RAB3GAP1: variants seen among roughly 807,000 people sequenced by gnomAD.
RAB3GAP1 encodes rab3 GTPase-activating protein catalytic subunit.
RAB3GAP1 carries 86 observed loss-of-function variants against 130.7 expected under a neutral mutation model. The observed-to-expected ratio is 0.66, with a 90% CI of 0.55 to 0.79. The LOEUF is 0.79. RAB3GAP1 is among the 30% of genes least tolerant of loss of function. The pLI is 0.00. For missense variants in RAB3GAP1, 1,029 were observed against 1,169.4 expected, an observed-to-expected ratio of 0.88 and a Z score of 1.75; for synonymous variants, 367 against 401.7, an observed-to-expected ratio of 0.91 and a Z score of 1.03.
At chr2:135,174,573 G>A (rs1573631291), downstream of RAB3GAP1, among the ~76,000 whole-genome samples, 1 of 152,048 alleles carries the variant, frequency 6.6e-6, no homozygotes, top group Non-Finnish European at 1.5e-5. Flanking sequence ...CTCTTCCAAA[G>A]CCCCCCCAGC....
chr2:135,054,806 T>C (rs1482364341), intron 2 of RAB3GAP1, among the ~76,000 whole-genome samples: 1 of 152,218 alleles, frequency 6.6e-6, no homozygotes, highest in Non-Finnish European at 1.5e-5. Context: ...TATTGCAAAG[T>C]AGAAAATTTG....
At chr2:135,083,791 T>TTA (rs1553440848) in intron 3 of RAB3GAP1, among the ~76,000 whole-genome samples, 2 of 142,660 alleles carry the variant, frequency 1.4e-5, no homozygotes, top group South Asian at 4.4e-4. Context: ...TTTTTTTTTT[T>TTA]AATTATAGCC....
chr2:135,134,484 T>A (rs1186917815), intron 15 of RAB3GAP1, among the ~76,000 whole-genome samples: 6 of 152,232 alleles, frequency 3.9e-5, no homozygotes, highest in Admixed American at 2.6e-4. Context: ...CTTTATACTT[T>A]TATGCATTTT....
intron 3 of RAB3GAP1, among the ~76,000 whole-genome samples, chr2:135,086,995 A>G (rs1690005089): frequency 6.6e-6 from 1 of 152,098 alleles, no homozygotes; most frequent in African/African-American, 2.4e-5. Flanking sequence ...GTCTTTTGAT[A>G]AGCACAAATT....
Position 135,052,473 on chromosome 2 carries a change from C to A in RAB3GAP1, c.62C>A (p.Ser21Ter). The change falls in exon 2 of 24, where the codon TCG (serine) becomes TAG (stop). Residue 21 changes from serine (S) to a stop codon, truncating the protein, a stop_gained. Coordinates refer to ENST00000264158, the MANE Select transcript of RAB3GAP1 (RefSeq NM_012233.3). LOFTEE classifies it high-confidence loss of function. ...GAGATCACGGACTTCACCACTGCCTCGGAATGGGAAAGGTGAGTGAATCGC... is the reference window on the plus strand; with the variant it reads ...GAGATCACGGACTTCACCACTGCCTAGGAATGGGAAAGGTGAGTGAATCGC... ...VFEITDFTTASEWERFISKVE... is the reference protein window; with the variant it reads ...VFEITDFTTA 4 of 1,613,834 alleles carry A rather than the reference C, an allele frequency of 2.5e-6. No individual in the cohort carries two copies. Among genetic ancestry groups the A allele is most frequent in the Non-Finnish European group, 3.4e-6 (4 of 1,180,034 alleles).
intron 5 of RAB3GAP1, among the ~76,000 whole-genome samples, chr2:135,106,153 T>A (rs1027737930): frequency 7.1e-6 from 1 of 141,412 alleles, no homozygotes; most frequent in Non-Finnish European, 1.5e-5. Flanking sequence ...GGTGCCTCCG[T>A]CCGGCCGCCG....
At chr2:135,082,320 A>G (rs1689848252) in intron 3 of RAB3GAP1, among the ~76,000 whole-genome samples, 1 of 152,148 alleles carries the variant, frequency 6.6e-6, no homozygotes, top group Admixed American at 6.6e-5. Context: ...AAGAAACTCG[A>G]TACTTGTTAG....
chr2:135,065,148 C>T (rs938155903), intron 3 of RAB3GAP1, among the ~76,000 whole-genome samples: 29 of 152,138 alleles, frequency 1.9e-4, no homozygotes, highest in African/African-American at 7.0e-4. Flanking sequence ...AGAATTTACA[C>T]CTCAATGTTA....
intron 3 of RAB3GAP1, among the ~76,000 whole-genome samples, chr2:135,063,227 G>A (rs978382353): frequency 6.6e-6 from 1 of 151,828 alleles, no homozygotes; most frequent in African/African-American, 2.4e-5. Context: ...AGTCAAGTTA[G>A]TAAAATCTTA....
chr2:135,067,004 G>A (rs1443131123), intron 3 of RAB3GAP1, among the ~76,000 whole-genome samples: 2 of 151,998 alleles, frequency 1.3e-5, no homozygotes, highest in African/African-American at 2.4e-5. Context: ...TCAGTAGATG[G>A]GAATGACACT....
chr2:135,176,234 A>G (rs917293649), intron 24 of RAB3GAP1: 1 of 152,124 alleles, frequency 6.6e-6, no homozygotes, highest in Non-Finnish European at 1.5e-5. Context: ...CTATGATCCA[A>G]CCGTCCCCCT....
intron 17 of RAB3GAP1, chr2:135,136,852 A>T: frequency 5.3e-6 from 2 of 379,858 alleles, no homozygotes; most frequent in Non-Finnish European, 8.7e-6. Flanking sequence ...CCCCACACCA[A>T]GGTGGGAGTA....
At chr2:135,077,368 T>C (rs987269885) in intron 3 of RAB3GAP1, among the ~76,000 whole-genome samples, 6 of 151,452 alleles carry the variant, frequency 4.0e-5, no homozygotes, top group African/African-American at 1.5e-4. Context: ...GAACATGTGT[T>C]TTACAAGTTT....
intron 15 of RAB3GAP1, among the ~76,000 whole-genome samples, chr2:135,134,477 T>C (rs1691627375): frequency 6.6e-6 from 1 of 152,240 alleles, no homozygotes; most frequent in Non-Finnish European, 1.5e-5. Flanking sequence ...TTTTGTTCTT[T>C]ATACTTTTAT....
intron 5 of RAB3GAP1, among the ~76,000 whole-genome samples, chr2:135,106,208 T>A (rs1175867433): frequency 3.3e-5 from 5 of 152,052 alleles, no homozygotes; most frequent in African/African-American, 1.2e-4. Flanking sequence ...CGGCCCCTTC[T>A]GGGAAGTGAG....
At chr2:135,157,151 C>CT (rs1413487225) in intron 19 of RAB3GAP1, among the ~76,000 whole-genome samples, 3 of 152,124 alleles carry the variant, frequency 2.0e-5, no homozygotes. Context: ...GTAGCTAGGA[C>CT]TACAGGTGAA....
intron 17 of RAB3GAP1, among the ~76,000 whole-genome samples, chr2:135,148,483 T>A (rs544652306): frequency 2.7e-5 from 4 of 145,828 alleles, no homozygotes; most frequent in Admixed American, 7.2e-5. Flanking sequence ...GGAACCAAGC[T>A]AGTAATTCTT....
intron 3 of RAB3GAP1, among the ~76,000 whole-genome samples, chr2:135,089,084 G>T (rs1558770070): frequency 6.6e-6 from 1 of 152,026 alleles, no homozygotes; most frequent in Non-Finnish European, 1.5e-5. Context: ...ATAAGGAAGG[G>T]GTCCAGTTTC....
At chr2:135,097,941 T>G (rs1041233964) in intron 5 of RAB3GAP1, among the ~76,000 whole-genome samples, 1 of 152,228 alleles carries the variant, frequency 6.6e-6, no homozygotes, top group Non-Finnish European at 1.5e-5. Context: ...AGTGTATGTT[T>G]ATAGGAAACT....
Sources: gnomAD v4.1 joint callset for allele counts (sites outside exome capture counted in the v4.1 genomes callset) on GRCh38, gnomAD v4.1.1 for gene constraint, MANE v1.5 for transcripts, NCBI Gene and HGNC (gene_info 2026-07-23, HGNC 2026-07-21) for gene names.